The following IZUMO4 variants were observed in gnomAD, a reference collection of about 807,000 sequenced individuals.
IZUMO4 encodes izumo sperm-egg fusion protein 4.
A neutral mutation model predicts 37.1 loss-of-function variants in IZUMO4; 51 were observed. That is an observed-to-expected ratio of 1.38 (90% CI 1.10 to 1.74). IZUMO4 has a LOEUF of 1.74. Among genes scored for constraint, IZUMO4 ranks in the 40% most tolerant of loss-of-function variants. The pLI, the probability that IZUMO4 is intolerant of heterozygous loss-of-function variation, is 0.00. For synonymous variants in IZUMO4, 162 were observed against 121.4 expected (o/e 1.33, Z -2.20); for missense variants, 364 against 299.6 (o/e 1.21, Z -1.59).
In IZUMO4 at chr19:2,097,140, C is replaced by A. The variant is rs555584163; in HGVS notation, c.195C>A (p.His65Gln). The change falls in exon 1 of 10, where the codon CAC (histidine) becomes CAA (glutamine). Residue 65 changes from histidine to glutamine, a missense_variant. His to Gln is a conservative substitution (Grantham distance 24). Transcript: ENST00000395301. ...DWSDDTMKELHLAIPAKITRE... is the reference protein window; with the variant it reads ...DWSDDTMKELQLAIPAKITRE... ...GCGACGACACGATGAAGGAGCTGCA[C>A]CTGGCCATCCCCGCCAAGATCAGTG... 3.8e-5 allele frequency: 61 copies of A among 1,611,264 alleles called. No individual in the cohort carries two copies. The East Asian group carries it at 1.3e-3, about 35-fold the overall frequency.
intron 7 of IZUMO4, 125 bp downstream of exon 7, chr19:2,098,575 A>C: frequency 6.2e-7 from 1 of 1,604,508 alleles, no homozygotes; most frequent in South Asian, 1.1e-5. Flanking sequence ...GAGGAGGTGG[A>C]ACCTCAACCC....
Position 2,098,034 on chromosome 19 carries a change from C to A in IZUMO4, c.398-18C>A. 6.2e-7 allele frequency: 1 copy of A among 1,613,290 alleles called. No individual in the cohort carries two copies. The highest frequency in any genetic ancestry group is 8.5e-7 in the Non-Finnish European group (1 of 1,179,990). Reference sequence around the variant, plus strand: ...TGGAGGCTGAGGGGAGCCCTGGCGGCTCTTGTACGTGTTTCAGGCATCTTC... The same window carrying A: ...TGGAGGCTGAGGGGAGCCCTGGCGGATCTTGTACGTGTTTCAGGCATCTTC... On this transcript the variant is annotated intron_variant, in intron 4 of 9. Coordinates refer to ENST00000395301, the MANE Select transcript of IZUMO4 (RefSeq NM_001039846.2).
rs761833126 is a variant in IZUMO4 at position 2,097,672 on chromosome 19, G to A, written c.370+177G>A. ...CCTGAAGGATCAATGCCATCACCCC[G>A]CGGGGACCTCCCCTAAGTAGCCCCC... On this transcript the variant is annotated intron_variant, in intron 3 of 9. Transcript: ENST00000395301. The A allele has an allele frequency of 1.4e-5, 10 of 719,212 alleles. No individual in the cohort carries two copies. In the East Asian group the frequency reaches 1.6e-4, roughly 11 times the overall value. 44.6% of individuals were successfully genotyped at this position (719,212 alleles called of 1,614,324 possible).
At chr19:2,098,882 A>T in intron 8 of IZUMO4, 78 bp downstream of exon 8, 1 of 1,570,734 alleles carries the variant, frequency 6.4e-7, no homozygotes, top group Non-Finnish European at 8.7e-7. Context: ...CCTCTAGATC[A>T]GTGGGGGCAC....
Position 2,099,011 on chromosome 19 carries a change from A to G in IZUMO4, c.590A>G (p.His197Arg). The change falls in exon 9 of 10, where the codon CAC (histidine) becomes CGC (arginine). Residue 197 changes from histidine (H) to arginine (R), a missense_variant. Physicochemically the swap from His to Arg is conservative, Grantham distance 29 (BLOSUM62 0). Transcript: ENST00000395301. ...RSSAFSWPGT[H>R]RATPAFLVSP... is the part of the protein sequence containing the mutation. Reference sequence around the variant, plus strand: ...TCTGCCTTCTCCTGGCCTGGGACACACAGAGCCACCCCGGCCTTGTGAGTG... The same window carrying G: ...TCTGCCTTCTCCTGGCCTGGGACACGCAGAGCCACCCCGGCCTTGTGAGTG... 6.2e-7 allele frequency: 1 copy of G among 1,613,094 alleles called. No homozygotes were observed. Among genetic ancestry groups the G allele is most frequent in the Non-Finnish European group, 8.5e-7 (1 of 1,179,946 alleles).
Position 2,097,824 on chromosome 19 carries a change from C to A in IZUMO4, c.371-105C>A, listed in dbSNP as rs1167707934. The stretch of plus-strand genomic sequence containing the variant: ...TACATGAAAACCAGGTGAGCCTGGG[C>A]CCCAGTGCCGAGGGACAGGCCCTGA... On this transcript the variant is annotated intron_variant, in intron 3 of 9. Transcript: ENST00000395301. 1.3e-5 allele frequency: 18 copies of A among 1,412,094 alleles called. No homozygotes were observed. The East Asian group carries it at 3.9e-4, about 31-fold the overall frequency. The allele number at this position is 1,412,094 out of a possible 1,614,324, so 87.5% of individuals were successfully genotyped here.
rs755334782 is a variant in IZUMO4, at chr19:2,099,049, G to C, written c.608+20G>C. ...GGCCTTGTGAGTGACCCAGAGAAGG[G>C]AGGCCTCGGGAGAAGGGGTGCTCGT... On this transcript the variant is annotated intron_variant, in intron 9 of 9. Coordinates refer to ENST00000395301, the MANE Select transcript of IZUMO4 (RefSeq NM_001039846.2). 6.2e-7 allele frequency: 1 copy of C among 1,610,012 alleles called. No individual in the cohort carries two copies. Among genetic ancestry groups the C allele is most frequent in the Non-Finnish European group, 8.5e-7 (1 of 1,177,368 alleles).
rs139073171 is a variant in IZUMO4 at position 2,098,092 on chromosome 19, A to G, written c.438A>G (p.Thr146=). 1.9e-4 allele frequency: 303 copies of G among 1,613,560 alleles called. 1 individual carries two copies. Among genetic ancestry groups the G allele is most frequent in the Middle Eastern group, 1.5e-3 (9 of 6,062 alleles). ...AGACCATCTCCTGCAACAACTGCAC[A>G]GACTCGCACGTCGCCTGCTTTGGCT... ...QYETISCNNC[T]DSHVACFGYN... Residue 146 remains threonine (T), a synonymous_variant, in exon 5 of 10, where the codon ACA becomes ACG. Transcript: ENST00000395301.
chr19:2,096,941 C>G lies in IZUMO4; in HGVS notation c.-5C>G, dbSNP rs757888326. 2.5e-6 allele frequency: 4 copies of G among 1,600,510 alleles called. No individual in the cohort carries two copies. In the Admixed American group the frequency reaches 6.7e-5, roughly 27 times the overall value. On this transcript the variant is annotated 5_prime_UTR_variant, in exon 1 of 10. Transcript: ENST00000395301. The stretch of plus-strand genomic sequence containing the variant: ...TTGGTTGGCCGGCGGCGGGCCGGGA[C>G]GGGCATGGCCCTGCTGCTGTGCCTG...
In IZUMO4 at chr19:2,098,079, GCAA is replaced by G. The variant is rs775056984; in HGVS notation, c.430_432del (p.Asn144del). The G allele has an allele frequency of 1.9e-6, 3 of 1,613,514 alleles. No individual in the cohort carries two copies. In the East Asian group the frequency reaches 6.7e-5, roughly 36 times the overall value. ...ATCTTCCAGTACGAGACCATCTCCT[GCAA>G]CAACTGCACAGACTCGCACGTCGCC... On this transcript the variant is annotated inframe_deletion, in exon 5 of 10. Transcript: ENST00000395301.
intron 9 of IZUMO4, 32 bp downstream of exon 9, chr19:2,099,061 G>A (rs768623241): frequency 1.2e-6 from 2 of 1,602,094 alleles, no homozygotes; most frequent in Admixed American, 3.3e-5. Context: ...GGCCTCGGGA[G>A]AAGGGGTGCT....
At chr19:2,097,739 G>T in intron 3 of IZUMO4, 190 bp from the exon 4 acceptor site, 1 of 738,222 alleles carries the variant, frequency 1.4e-6, no homozygotes. Flanking sequence ...CCTGAAGTTT[G>T]CTCCATCTCA....
rs772960331 is a variant in IZUMO4 at position 2,097,436 on chromosome 19, A to G, written c.311A>G (p.Asn104Ser). The change falls in exon 3 of 10, where the codon AAC becomes AGC. Residue 104 changes from asparagine to serine, a missense_variant. Asn to Ser is a conservative substitution (Grantham distance 46). Coordinates refer to ENST00000395301, the MANE Select transcript of IZUMO4 (RefSeq NM_001039846.2). ...CTCGACGACTCAGGGTATTTCCCCAACGAGCTGCGAAACATCTTCCGGGAG... is the reference window on the plus strand; with the variant it reads ...CTCGACGACTCAGGGTATTTCCCCAGCGAGCTGCGAAACATCTTCCGGGAG... ...GKMYFPGYFP[N>S]ELRNIFREQV... 6.2e-7 allele frequency: 1 copy of G among 1,613,164 alleles called. No individual in the cohort carries two copies.
intron 7 of IZUMO4, 26 bp from the exon 8 acceptor site, chr19:2,098,761 G>C: frequency 3.7e-6 from 6 of 1,605,186 alleles, no homozygotes; most frequent in Non-Finnish European, 5.1e-6. Flanking sequence ...CCATGGAGGG[G>C]CTGACTGCCC....
chr19:2,097,131 G>A lies in IZUMO4; in HGVS notation c.186G>A (p.Lys62=). 6.2e-7 allele frequency: 1 copy of A among 1,612,166 alleles called. No homozygotes were observed. The highest frequency in any genetic ancestry group is 8.5e-7 in the Non-Finnish European group (1 of 1,179,608). ...CCGACTGGAGCGACGACACGATGAA[G>A]GAGCTGCACCTGGCCATCCCCGCCA... ...LLTDWSDDTM[K]ELHLAIPAKI... is the part of the protein sequence containing the mutation. Residue 62 remains lysine, a synonymous_variant, in exon 1 of 10, where the codon AAG becomes AAA. Transcript: ENST00000395301.
chr19:2,098,544 C>T (rs1328897778), intron 7 of IZUMO4, 94 bp downstream of exon 7: 49 of 1,608,912 alleles, frequency 3.0e-5, no homozygotes, highest in Admixed American at 6.7e-5. Context: ...CCCTCAGCTC[C>T]CACGTCCTAG....
At chr19:2,098,187 C>T (rs1256588966) in intron 5 of IZUMO4, 60 bp downstream of exon 5, 4 of 1,610,206 alleles carry the variant, frequency 2.5e-6, no homozygotes, top group East Asian at 2.2e-5. Flanking sequence ...GGGTCCCAGG[C>T]TCTCCTTGGA....
intron 9 of IZUMO4, 40 bp from the exon 10 acceptor site, chr19:2,099,215 G>C: frequency 6.4e-7 from 1 of 1,568,806 alleles, no homozygotes. Context: ...GGCAGGGGGT[G>C]GGGGACATGG....
rs779419515 is a variant in IZUMO4, at chr19:2,096,951, C to CCTG, written c.13_15dup (p.Leu5dup). On this transcript the variant is annotated inframe_insertion, in exon 1 of 10. Transcript: ENST00000395301. Reference sequence around the variant, plus strand: ...GGCGGCGGGCCGGGACGGGCATGGCCCTGCTGCTGTGCCTGGTGTGCCTGA... The same window carrying CCTG: ...GGCGGCGGGCCGGGACGGGCATGGCCCTGCTGCTGCTGTGCCTGGTGTGCCTGA... 38 of 1,605,120 alleles carry CCTG rather than the reference C, an allele frequency of 2.4e-5. No individual in the cohort carries two copies. The highest frequency in any genetic ancestry group is 3.2e-5 in the Non-Finnish European group (38 of 1,179,184).
Sources: gnomAD v4.1 joint callset for allele counts on GRCh38, gnomAD v4.1.1 for gene constraint, MANE v1.5 for transcripts, NCBI Gene and HGNC (gene_info 2026-07-23, HGNC 2026-07-21) for gene names.